KCNN3: variants seen among roughly 807,000 people sequenced by gnomAD.
The protein encoded by KCNN3 is small conductance calcium-activated potassium channel protein 3.
KCNN3 carries 16 observed loss-of-function variants against 62.9 expected under a neutral mutation model. That is an observed-to-expected ratio of 0.25 (90% CI 0.17 to 0.39). The LOEUF is 0.39. Ranked by LOEUF, KCNN3 falls within the 10% of genes least tolerant of loss-of-function variation. KCNN3 has a pLI of 1.00. For missense variants in KCNN3, 599 were observed against 949.4 expected (o/e 0.63, Z 4.85); for synonymous variants, 370 against 389.2 (o/e 0.95, Z 0.58).
At chr1:154,725,606 C>T (rs369538102) in intron 5 of KCNN3, among the ~76,000 whole-genome samples, 1 of 149,768 alleles carries the variant, frequency 6.7e-6, no homozygotes, top group African/African-American at 2.5e-5. Context: ...TGCAGTAGTG[C>T]GATCTCGGCT....
intron 2 of KCNN3, among the ~76,000 whole-genome samples, chr1:154,810,477 A>G (rs956866499): frequency 7.9e-5 from 12 of 152,196 alleles, no homozygotes; most frequent in Non-Finnish European, 1.8e-4. Context: ...AAGGCAAGGC[A>G]GAGAAACTGA....
Position 154,756,293 on chromosome 1 carries a change from G to A in KCNN3, c.1448+15682C>T, listed in dbSNP as rs150336788. On this transcript the variant is annotated intron_variant, in intron 3 of 7. Transcript: ENST00000271915. ...AAGACGACGACGATGAAAAGGAGGAGGAGGAGGAAGAGGAAGAGGAAGAAG... is the reference window on the plus strand; with the variant it reads ...AAGACGACGACGATGAAAAGGAGGAAGAGGAGGAAGAGGAAGAGGAAGAAG... Among the ~76,000 whole-genome samples, 268 of 152,026 alleles carry A rather than the reference G, an allele frequency of 1.8e-3. 2 individuals are homozygous for A. In the East Asian group the frequency reaches 0.047, roughly 26 times the overall value.
chr1:154,739,355 G>T (rs1048475757), intron 3 of KCNN3, among the ~76,000 whole-genome samples: 2 of 152,132 alleles, frequency 1.3e-5, no homozygotes. Context: ...CAACCTGTGG[G>T]ATCTACTTGT....
chr1:154,823,744 G>A (rs1169605536), intron 1 of KCNN3, among the ~76,000 whole-genome samples: 1 of 152,200 alleles, frequency 6.6e-6, no homozygotes, highest in Non-Finnish European at 1.5e-5. Flanking sequence ...CTCAAAGGAG[G>A]GAGGCCACTG....
At chr1:154,808,324 C>T (rs1221915237) in intron 2 of KCNN3, among the ~76,000 whole-genome samples, 2 of 152,170 alleles carry the variant, frequency 1.3e-5, no homozygotes, top group African/African-American at 4.8e-5. Context: ...TCCGCAGAGC[C>T]CTGAGCTTCT....
At chr1:154,740,789 G>A (rs1022200369) in intron 3 of KCNN3, among the ~76,000 whole-genome samples, 2 of 152,088 alleles carry the variant, frequency 1.3e-5, no homozygotes, top group African/African-American at 4.8e-5. Context: ...TCTCTTCTGT[G>A]GCGTGTCATT....
chr1:154,760,358 G>A (rs1000664518), intron 3 of KCNN3, among the ~76,000 whole-genome samples: 2 of 150,252 alleles, frequency 1.3e-5, no homozygotes, highest in African/African-American at 2.5e-5. Context: ...GGCTGAATAC[G>A]AGATCACAGA....
chr1:154,766,463 C>T (rs1648290588), intron 3 of KCNN3, among the ~76,000 whole-genome samples: 1 of 67,442 alleles, frequency 1.5e-5, no homozygotes, highest in Non-Finnish European at 3.3e-5. Flanking sequence ...CTGATCATTT[C>T]TCCCAATAGT....
At chr1:154,759,523 G>A (rs2101825381) in intron 3 of KCNN3, among the ~76,000 whole-genome samples, 1 of 152,314 alleles carries the variant, frequency 6.6e-6, no homozygotes, top group South Asian at 2.1e-4. Context: ...GTGGGTGGGG[G>A]AGCGGGTGAG....
intron 3 of KCNN3, among the ~76,000 whole-genome samples, chr1:154,745,542 G>T (rs1557953796): frequency 6.6e-6 from 1 of 152,224 alleles, no homozygotes; most frequent in African/African-American, 2.4e-5. Flanking sequence ...ACCAGCACTG[G>T]CCAAGCTTTT....
chr1:154,836,664 C>G (rs1378870537), intron 1 of KCNN3, among the ~76,000 whole-genome samples: 1 of 152,230 alleles, frequency 6.6e-6, no homozygotes, highest in South Asian at 2.1e-4. Flanking sequence ...TCTCACTCTC[C>G]TCACCCACAT....
chr1:154,721,461 G>A (rs1368490870), intron 5 of KCNN3, among the ~76,000 whole-genome samples: 4 of 151,760 alleles, frequency 2.6e-5, no homozygotes, highest in African/African-American at 4.8e-5. Flanking sequence ...CACCATGCCC[G>A]GCTAATTTTT....
At chr1:154,787,273 C>G (rs1649320543) in intron 2 of KCNN3, among the ~76,000 whole-genome samples, 1 of 152,226 alleles carries the variant, frequency 6.6e-6, no homozygotes, top group Non-Finnish European at 1.5e-5. Context: ...GGTGGCCCTC[C>G]CCACGGTTGA....
chr1:154,741,742 G>C (rs113184197), intron 3 of KCNN3, among the ~76,000 whole-genome samples: 6 of 150,610 alleles, frequency 4.0e-5, no homozygotes, highest in Admixed American at 1.3e-4. Flanking sequence ...CTTTTCACAT[G>C]GATCTACATG....
intron 3 of KCNN3, among the ~76,000 whole-genome samples, chr1:154,768,378 C>A (rs1032992707): frequency 6.6e-6 from 1 of 152,176 alleles, no homozygotes; most frequent in Non-Finnish European, 1.5e-5. Flanking sequence ...AAGTGCTTTG[C>A]CTGTTTAGGA....
intron 1 of KCNN3, among the ~76,000 whole-genome samples, chr1:154,827,330 C>T (rs1651177114): frequency 6.6e-6 from 1 of 152,208 alleles, no homozygotes; most frequent in African/African-American, 2.4e-5. Context: ...GACCGCATCA[C>T]TGGTCGCTGT....
intron 3 of KCNN3, among the ~76,000 whole-genome samples, chr1:154,735,142 C>T (rs193104542): frequency 1.3e-5 from 2 of 152,230 alleles, no homozygotes; most frequent in East Asian, 1.9e-4. Context: ...GAATGGTCGG[C>T]GGGTGGCGAG....
At chr1:154,795,564 C>G (rs1649699064) in intron 2 of KCNN3, among the ~76,000 whole-genome samples, 1 of 152,186 alleles carries the variant, frequency 6.6e-6, no homozygotes, top group Non-Finnish European at 1.5e-5. Context: ...GGCATGGGGA[C>G]TCAAAGAGGC....
At chr1:154,738,421 G>A (rs982990091) in intron 3 of KCNN3, among the ~76,000 whole-genome samples, 1 of 152,216 alleles carries the variant, frequency 6.6e-6, no homozygotes, top group African/African-American at 2.4e-5. Context: ...TCAGTCTGAG[G>A]GTGGAACGAA....
Sources: gnomAD v4.1 joint callset for allele counts (sites outside exome capture counted in the v4.1 genomes callset) on GRCh38, gnomAD v4.1.1 for gene constraint, MANE v1.5 for transcripts, NCBI Gene and HGNC (gene_info 2026-07-23, HGNC 2026-07-21) for gene names.